EVI5L: variants seen among roughly 807,000 people sequenced by gnomAD.
The protein encoded by EVI5L is EVI5-like protein.
A neutral mutation model predicts 106.1 loss-of-function variants in EVI5L; 30 were observed. The observed-to-expected ratio is 0.28, with a 90% CI of 0.21 to 0.38. The LOEUF is 0.38. EVI5L is among the 10% of genes least tolerant of loss of function. The pLI is 1.00. For synonymous variants in EVI5L, 489 were observed against 483.3 expected (o/e 1.01, Z -0.15); for missense variants, 809 against 1,098.0 (o/e 0.74, Z 3.72).
chr19:7,849,943 A>T (rs1979152855), intron 5 of EVI5L, 54 bp from the exon 6 acceptor site: 1 of 1,447,600 alleles, frequency 6.9e-7, no homozygotes, highest in Admixed American at 2.0e-5. Context: ...GAGCAGCGAG[A>T]TGCCCCTCCC....
chr19:7,864,520 C>T lies in EVI5L; in HGVS notation c.*818C>T, dbSNP rs773314061. The T allele has an allele frequency of 6.6e-6, 1 of 152,586 alleles. No homozygotes were observed. The highest frequency in any genetic ancestry group is 2.4e-5 in the African/African-American group (1 of 41,414). The allele number at this position is 152,586 out of a possible 1,614,324, so 9.5% of individuals were successfully genotyped here. On this transcript the variant is annotated 3_prime_UTR_variant, in exon 20 of 20. Transcript: ENST00000538904. This position sits in a 1 kb window ranked among gnomAD's most constrained non-coding sequence, Gnocchi z 4.5. ...CGGTCTCCATCTACTTCCCTTTCTT[C>T]ATGTGTTTCCAGCCCCACCCTCAGC...
Position 7,860,747 on chromosome 19 carries a change from C to G in EVI5L, c.1503+58C>G, listed in dbSNP as rs530404770. 1.8e-4 allele frequency: 272 copies of G among 1,498,118 alleles called. No homozygotes were observed. In the African/African-American group the frequency reaches 3.0e-3, roughly 17 times the overall value. 92.8% of individuals were successfully genotyped at this position (1,498,118 alleles called of 1,614,324 possible). ...GGGGACCCTGGGGCACAGGAGGGGT[C>G]CTGGATAAGCTTTGGGAGTGACCCC... On this transcript the variant is annotated intron_variant, in intron 14 of 19. Transcript: ENST00000538904.
In EVI5L at chr19:7,857,404, G is replaced by T; in HGVS notation, c.1233+280G>T. On this transcript the variant is annotated intron_variant, in intron 12 of 19. Transcript: ENST00000538904. The surrounding 1 kb of genome is among the most constrained non-coding windows in gnomAD (Gnocchi z 4.5). ...GCTTCCTCCGGGCGACACAGGGTGG[G>T]GACCCAGGAGGGCTGGGGAACCTAA... The T allele has an allele frequency of 1.7e-6, 1 of 585,636 alleles. No homozygotes were observed. The highest frequency in any genetic ancestry group is 3.0e-5 in the Admixed American group (1 of 33,446). 36.3% of individuals were successfully genotyped at this position (585,636 alleles called of 1,614,324 possible). A position where few individuals can be genotyped will look rare whatever the true frequency, so the allele number is the denominator to read the frequency against.
intron 5 of EVI5L, among the ~76,000 whole-genome samples, chr19:7,849,555 C>T (rs147003732): frequency 5.3e-5 from 8 of 152,300 alleles, no homozygotes; most frequent in Non-Finnish European, 8.8e-5. Context: ...GGACAGAGAC[C>T]GGGTTTGGAG....
intron 5 of EVI5L, 29 bp downstream of exon 5, chr19:7,849,359 T>G: frequency 6.2e-7 from 1 of 1,612,062 alleles, no homozygotes; most frequent in Non-Finnish European, 8.5e-7. Context: ...GCTGGGCTCC[T>G]GCCAGACAAC....
Position 7,857,396 on chromosome 19 carries a change from C to T in EVI5L, c.1233+272C>T. ...TACAGAAAGCTTCCTCCGGGCGACA[C>T]AGGGTGGGGACCCAGGAGGGCTGGG... On this transcript the variant is annotated intron_variant, in intron 12 of 19. Transcript: ENST00000538904. The surrounding 1 kb of genome is among the most constrained non-coding windows in gnomAD (Gnocchi z 4.5). The T allele has an allele frequency of 1.7e-6, 1 of 592,226 alleles. No individual in the cohort carries two copies. Among genetic ancestry groups the T allele is most frequent in the Non-Finnish European group, 3.0e-6 (1 of 331,884 alleles). 36.7% of individuals were successfully genotyped at this position (592,226 alleles called of 1,614,324 possible).
At position 7,860,839 on chromosome 19, in the gene EVI5L, G is replaced by A. The variant is rs552656086; in HGVS notation, c.1503+150G>A. On this transcript the variant is annotated intron_variant, in intron 14 of 19. Coordinates refer to ENST00000538904, the MANE Select transcript of EVI5L (RefSeq NM_001159944.3). Reference sequence around the variant, plus strand: ...ATGCACACACACAGCACAACCCCACGCGGGGCATGCCCACGCTCCTGTATG... The same window carrying A: ...ATGCACACACACAGCACAACCCCACACGGGGCATGCCCACGCTCCTGTATG... The A allele has an allele frequency of 6.2e-5, 60 of 971,040 alleles. No individual in the cohort carries two copies. The African/African-American group carries it at 7.7e-4, about 12-fold the overall frequency. The allele number at this position is 971,040 out of a possible 1,614,324, so 60.2% of individuals were successfully genotyped here. A position where few individuals can be genotyped will look rare whatever the true frequency, so the allele number is the denominator to read the frequency against.
At position 7,863,289 on chromosome 19, in the gene EVI5L, G is replaced by A. The variant is rs1258082854; in HGVS notation, c.2139+9G>A. On this transcript the variant is annotated intron_variant, in intron 19 of 19. Coordinates refer to ENST00000538904, the MANE Select transcript of EVI5L (RefSeq NM_001159944.3). This position sits in a 1 kb window ranked among gnomAD's most constrained non-coding sequence, Gnocchi z 7.7. ...AGGAGCTGAAGGCCGAGGTGAGCCG[G>A]CGCGGGGATGCCGGGGACAGGCCTG... 1.3e-6 allele frequency: 2 copies of A among 1,552,452 alleles called. No individual in the cohort carries two copies. Among genetic ancestry groups the A allele is most frequent in the Non-Finnish European group, 1.7e-6 (2 of 1,148,148 alleles).
In EVI5L at chr19:7,862,974, C is replaced by G; in HGVS notation, c.1950C>G (p.Ser650Arg). The G allele has an allele frequency of 6.4e-7, 1 of 1,560,720 alleles. No individual in the cohort carries two copies. The highest frequency in any genetic ancestry group is 1.2e-5 in the South Asian group (1 of 85,238). Reference sequence around the variant, plus strand: ...TCCCCCCAATCCCCCGACCCCAGAGCAAGGAGGAGGTGATGGCTGTGCGAC... The same window carrying G: ...TCCCCCCAATCCCCCGACCCCAGAGGAAGGAGGAGGTGATGGCTGTGCGAC... ...RRKQAEAECK[S>R]KEEVMAVRLR... Residue 650 changes from serine (S) to arginine (R), a missense_variant and splice_region_variant, in exon 18 of 20, where the codon AGC becomes AGG. Transcript: ENST00000538904.
chr19:7,846,858 T>C (rs1454478264), intron 2 of EVI5L, among the ~76,000 whole-genome samples, 179 bp downstream of exon 2: 2 of 152,208 alleles, frequency 1.3e-5, no homozygotes, highest in Admixed American at 1.3e-4. Context: ...GCTGAATATA[T>C]GTGTCCCCAC....
chr19:7,862,481 C>T lies in EVI5L; in HGVS notation c.1894C>T (p.Leu632=), dbSNP rs768054428. ...GTACCTGGCTGCACAGAACAAGGGG[C>T]TGCAGACGCAGCTCAGCGAAAGCCG... is the stretch of plus-strand genomic sequence containing the variant. ...LQYLAAQNKG[L]QTQLSESRRK... Residue 632 remains leucine, a synonymous_variant, in exon 17 of 20, where the codon CTG becomes TTG. Coordinates refer to ENST00000538904, the MANE Select transcript of EVI5L (RefSeq NM_001159944.3). 1.9e-6 allele frequency: 3 copies of T among 1,592,422 alleles called. No homozygotes were observed. The African/African-American group carries it at 4.1e-5, about 22-fold the overall frequency.
At position 7,863,543 on chromosome 19, in the gene EVI5L, A is replaced by AGGCGTG; in HGVS notation, c.2264_2269dup (p.Val755_Gly756dup). 1.9e-6 allele frequency: 3 copies of AGGCGTG among 1,599,848 alleles called. No homozygotes were observed. The South Asian group carries it at 3.4e-5, about 18-fold the overall frequency. ...CGTCGGACGAGGAGCTACTTGGCGTAGGCGTGGGCGCTGCCCTGCAGGACG... is the reference window on the plus strand; with the variant it reads ...CGTCGGACGAGGAGCTACTTGGCGTAGGCGTGGGCGTGGGCGCTGCCCTGCAGGACG... On this transcript the variant is annotated inframe_insertion, in exon 20 of 20. Coordinates refer to ENST00000538904, the MANE Select transcript of EVI5L (RefSeq NM_001159944.3). The surrounding 1 kb of genome is among the most constrained non-coding windows in gnomAD (Gnocchi z 7.7).
At chr19:7,862,861 C>A in intron 17 of EVI5L, 111 bp from the exon 18 acceptor site, 1 of 716,240 alleles carries the variant, frequency 1.4e-6, no homozygotes, top group Non-Finnish European at 2.2e-6. Flanking sequence ...GCCTCCTGAC[C>A]CGCCTCCGCC....
In EVI5L at chr19:7,863,105, G is replaced by A. The variant is rs1010812122; in HGVS notation, c.2043+38G>A. 10 of 691,648 alleles carry A rather than the reference G, an allele frequency of 1.4e-5. No homozygotes were observed. Among genetic ancestry groups the A allele is most frequent in the Non-Finnish European group, 2.1e-5 (8 of 380,482 alleles). The allele number at this position is 691,648 out of a possible 1,614,324, so 42.8% of individuals were successfully genotyped here. On this transcript the variant is annotated intron_variant, in intron 18 of 19. Coordinates refer to ENST00000538904, the MANE Select transcript of EVI5L (RefSeq NM_001159944.3). This position sits in a 1 kb window ranked among gnomAD's most constrained non-coding sequence, Gnocchi z 7.7. ...GCCGGGGTCGGGGGGCGGGGGCGGGGGCAGGGCCCGGGGCAGGAGCGGGGC... is the reference window on the plus strand; with the variant it reads ...GCCGGGGTCGGGGGGCGGGGGCGGGAGCAGGGCCCGGGGCAGGAGCGGGGC...
chr19:7,830,700 C>T (rs1247539181), intron 1 of EVI5L, among the ~76,000 whole-genome samples: 1 of 148,288 alleles, frequency 6.7e-6, no homozygotes, highest in Non-Finnish European at 1.5e-5. Flanking sequence ...TCCGGGAACC[C>T]CCTCAGGGCT....
In EVI5L at chr19:7,848,425, C is replaced by T. The variant is rs571754994; in HGVS notation, c.328-496C>T. On this transcript the variant is annotated intron_variant, in intron 3 of 19. Coordinates refer to ENST00000538904, the MANE Select transcript of EVI5L (RefSeq NM_001159944.3). The surrounding 1 kb of genome is among the most constrained non-coding windows in gnomAD (Gnocchi z 4.8). Reference sequence around the variant, plus strand: ...CAGCCTGGCCAACATGGCGAAACTCCGACTCTACTAAAAATACAAAAATTA... The same window carrying T: ...CAGCCTGGCCAACATGGCGAAACTCTGACTCTACTAAAAATACAAAAATTA... 1.1e-4 allele frequency among the ~76,000 whole-genome samples: 16 copies of T among 152,068 alleles called. No individual in the cohort carries two copies. In the East Asian group the frequency reaches 1.5e-3, roughly 15 times the overall value.
Position 7,863,463 on chromosome 19 carries a change from C to T in EVI5L, c.2179C>T (p.Leu727=). 1 of 1,563,270 alleles carries T rather than the reference C, an allele frequency of 6.4e-7. No individual in the cohort carries two copies. Among genetic ancestry groups the T allele is most frequent in the Non-Finnish European group, 8.7e-7 (1 of 1,155,408 alleles). Reference sequence around the variant, plus strand: ...GGGCCCGCCGCCCTTCGAGGACCCGCTGGCTTTCGATGGGCTGAGCCTGGC... The same window carrying T: ...GGGCCCGCCGCCCTTCGAGGACCCGTTGGCTTTCGATGGGCTGAGCCTGGC... ...LKGPPPFEDP[L]AFDGLSLARH... The change falls in exon 20 of 20, where the codon CTG becomes TTG. Residue 727 remains leucine (L), a synonymous_variant. Transcript: ENST00000538904. This position sits in a 1 kb window ranked among gnomAD's most constrained non-coding sequence, Gnocchi z 7.7.
chr19:7,840,478 C>CA (rs774252206), intron 1 of EVI5L, among the ~76,000 whole-genome samples: 2 of 150,662 alleles, frequency 1.3e-5, no homozygotes, highest in African/African-American at 2.4e-5. Flanking sequence ...AACTCCATCT[C>CA]AAAAAAAAAG....
Position 7,850,265 on chromosome 19 carries a change from G to C in EVI5L, c.753+143G>C. On this transcript the variant is annotated intron_variant, in intron 6 of 19. Transcript: ENST00000538904. The surrounding 1 kb of genome is among the most constrained non-coding windows in gnomAD (Gnocchi z 5.4). ...CTCTTGGACTGAAAATTCCAAGCCT[G>C]TGAAATCACACCTGGACGTTCCAAC... 1 of 1,243,364 alleles carries C rather than the reference G, an allele frequency of 8.0e-7. No homozygotes were observed. Among genetic ancestry groups the C allele is most frequent in the African/African-American group, 1.5e-5 (1 of 66,570 alleles). 77.0% of individuals were successfully genotyped at this position (1,243,364 alleles called of 1,614,324 possible). A position where few individuals can be genotyped will look rare whatever the true frequency, so the allele number is the denominator to read the frequency against.
Sources: allele counts gnomAD v4.1 joint callset (sites outside exome capture counted in the v4.1 genomes callset), GRCh38; gene constraint gnomAD v4.1.1; non-coding constraint Gnocchi (gnomAD v3.1); transcripts MANE v1.5; gene names NCBI Gene and HGNC (gene_info 2026-07-23, HGNC 2026-07-21).